TBC1D5: variants seen among roughly 807,000 people sequenced by gnomAD.
TBC1D5 encodes the protein TBC1 domain family, member 5.
In TBC1D5, 75 loss-of-function variants were observed where a neutral mutation model predicts 100.3. That is an observed-to-expected ratio of 0.75 (90% confidence interval 0.62 to 0.91). TBC1D5 has a LOEUF of 0.91. Among genes scored for constraint, TBC1D5 ranks in the 40% least tolerant of loss-of-function variants. TBC1D5 has a pLI of 0.00. For synonymous variants in TBC1D5, 323 were observed against 325.6 expected (o/e 0.99, Z 0.09); for missense variants, 910 against 942.4 (o/e 0.97, Z 0.45).
intron 15 of TBC1D5, among the ~76,000 whole-genome samples, chr3:17,275,951 GGT>G (rs2079954487): frequency 1.3e-5 from 2 of 152,132 alleles, no homozygotes; most frequent in Non-Finnish European, 2.9e-5. Flanking sequence ...TTTCCACATA[GGT>G]GTATAGTATG....
intron 3 of TBC1D5, among the ~76,000 whole-genome samples, chr3:17,440,578 C>G (rs2094631502): frequency 6.6e-6 from 1 of 152,320 alleles, no homozygotes; most frequent in Admixed American, 6.5e-5. Context: ...GATGGAGCCA[C>G]TGCACTGCAG....
intron 1 of TBC1D5, among the ~76,000 whole-genome samples, chr3:17,707,290 G>A (rs1358986151): frequency 1.3e-5 from 2 of 151,534 alleles, no homozygotes; most frequent in Non-Finnish European, 2.9e-5. Flanking sequence ...TGTGTTCTGG[G>A]GGAAAAAAAG....
At chr3:17,282,807 A>C (rs112148466) in intron 15 of TBC1D5, among the ~76,000 whole-genome samples, 6 of 152,384 alleles carry the variant, frequency 3.9e-5, no homozygotes, top group African/African-American at 1.4e-4. Flanking sequence ...TCACTAACAA[A>C]GAAAATATTT....
At chr3:17,727,121 G>A (rs995165432) in intron 1 of TBC1D5, among the ~76,000 whole-genome samples, 1 of 152,214 alleles carries the variant, frequency 6.6e-6, no homozygotes, top group African/African-American at 2.4e-5. Flanking sequence ...AGTGGCTCAT[G>A]CCTGTAATCC....
chr3:17,336,682 T>C (rs1342191800), intron 13 of TBC1D5, among the ~76,000 whole-genome samples: 1 of 151,280 alleles, frequency 6.6e-6, no homozygotes, highest in Non-Finnish European at 1.5e-5. Context: ...TGTCACAGTG[T>C]AATCCTGAAG....
intron 1 of TBC1D5, among the ~76,000 whole-genome samples, chr3:17,716,576 AG>A (rs1378578560): frequency 6.6e-6 from 1 of 151,974 alleles, no homozygotes; most frequent in East Asian, 1.9e-4. Context: ...TATTTCATAT[AG>A]TTTTTTTTAA....
chr3:17,390,856 G>T (rs1036012540), intron 8 of TBC1D5, among the ~76,000 whole-genome samples: 2 of 152,044 alleles, frequency 1.3e-5, no homozygotes, highest in African/African-American at 4.8e-5. Context: ...TTCTTCCTGT[G>T]TTCCCTATTT....
chr3:17,441,856 C>G (rs1054057511), intron 3 of TBC1D5, among the ~76,000 whole-genome samples: 1 of 152,034 alleles, frequency 6.6e-6, no homozygotes, highest in African/African-American at 2.4e-5. Flanking sequence ...TAAAACAGAT[C>G]ACAATAAAAC....
chr3:17,600,286 C>A (rs1255398112), intron 2 of TBC1D5, among the ~76,000 whole-genome samples: 5 of 152,064 alleles, frequency 3.3e-5, no homozygotes, highest in Non-Finnish European at 7.4e-5. Context: ...ACTGAATTGT[C>A]AGGTTTGCAT....
At chr3:17,408,730 C>A (rs2093842064) in intron 4 of TBC1D5, among the ~76,000 whole-genome samples, 1 of 152,062 alleles carries the variant, frequency 6.6e-6, no homozygotes. Flanking sequence ...CCTTCATCAG[C>A]CAATTTTTTA....
At chr3:17,239,487 A>T (rs1234857370) in intron 16 of TBC1D5, among the ~76,000 whole-genome samples, 1 of 152,082 alleles carries the variant, frequency 6.6e-6, no homozygotes, top group African/African-American at 2.4e-5. Flanking sequence ...TACTTATAAC[A>T]TGTTTTTTCA....
chr3:17,208,504 C>G (rs2072533548), intron 18 of TBC1D5, among the ~76,000 whole-genome samples: 1 of 152,210 alleles, frequency 6.6e-6, no homozygotes, highest in African/African-American at 2.4e-5. Context: ...TGACTTAACA[C>G]ACTATTTAAT....
intron 2 of TBC1D5, among the ~76,000 whole-genome samples, chr3:17,603,385 G>A (rs2061122174): frequency 6.6e-6 from 1 of 152,080 alleles, no homozygotes; most frequent in Non-Finnish European, 1.5e-5. Flanking sequence ...AGATGGCAAC[G>A]AAAGCAACCT....
intron 14 of TBC1D5, 139 bp downstream of exon 14, chr3:17,307,853 A>C (rs1015961490): frequency 1.3e-5 from 14 of 1,059,820 alleles, no homozygotes; most frequent in Admixed American, 6.6e-5. Context: ...ATTCCTTTGA[A>C]ATTTCAGTAT....
intron 1 of TBC1D5, among the ~76,000 whole-genome samples, chr3:17,643,274 T>C (rs1384487740): frequency 6.6e-6 from 1 of 152,170 alleles, no homozygotes; most frequent in Non-Finnish European, 1.5e-5. Flanking sequence ...ATATAAGTGA[T>C]GTGCCCTCTT....
At chr3:17,230,139 GT>G (rs946971007) in intron 17 of TBC1D5, among the ~76,000 whole-genome samples, 3 of 151,482 alleles carry the variant, frequency 2.0e-5, no homozygotes, top group African/African-American at 7.3e-5. Context: ...ACCATTTTTT[GT>G]TTTTTTTGGT....
intron 1 of TBC1D5, among the ~76,000 whole-genome samples, chr3:17,676,434 C>A (rs1354861919): frequency 2.0e-5 from 3 of 152,092 alleles, no homozygotes; most frequent in African/African-American, 7.2e-5. Context: ...CCTAGGAATC[C>A]AACTTGCAAG....
At chr3:17,611,274 T>G (rs1261917348) in intron 2 of TBC1D5, among the ~76,000 whole-genome samples, 1 of 152,168 alleles carries the variant, frequency 6.6e-6, no homozygotes, top group Admixed American at 6.5e-5. Context: ...ACATAAATCC[T>G]GATCTCAGAA....
At chr3:17,668,543 T>G (rs565000070) in intron 1 of TBC1D5, among the ~76,000 whole-genome samples, 13 of 152,266 alleles carry the variant, frequency 8.5e-5, no homozygotes, top group African/African-American at 3.1e-4. Context: ...GGAATTTTAC[T>G]AATATAATCT....
Sources: gnomAD v4.1 joint callset for allele counts (sites outside exome capture counted in the v4.1 genomes callset) on GRCh38, gnomAD v4.1.1 for gene constraint, MANE v1.5 for transcripts, NCBI Gene and HGNC (gene_info 2026-07-23, HGNC 2026-07-21) for gene names.